The following CSMD2 variants were observed in gnomAD, a reference collection of about 807,000 sequenced individuals.
CSMD2 encodes CUB and sushi domain-containing protein 2.
Under a neutral mutation model 398.5 loss-of-function variants are expected in CSMD2, and 130 were observed. The ratio of observed to expected loss-of-function variants is 0.33; its 90% CI spans 0.28 to 0.38. The LOEUF (loss-of-function observed/expected upper bound fraction) is 0.38. Ranked by LOEUF, CSMD2 falls within the 10% of genes least tolerant of loss-of-function variation. The pLI, the probability that CSMD2 is intolerant of heterozygous loss-of-function variation, is 1.00. For missense variants in CSMD2, 3,829 were observed against 4,764.9 expected (o/e 0.80, Z 5.78); for synonymous variants, 1,828 against 1,908.5 (o/e 0.96, Z 1.10).
intron 28 of CSMD2, 126 bp from the exon 29 acceptor site, chr1:33,646,961 C>G: frequency 1.2e-6 from 1 of 855,784 alleles, no homozygotes; most frequent in Non-Finnish European, 1.8e-6. Flanking sequence ...TGGTACCCAA[C>G]CCCTGAAGAC....
At chr1:33,920,668 G>A (rs936352722) in intron 4 of CSMD2, among the ~76,000 whole-genome samples, 5 of 152,074 alleles carry the variant, frequency 3.3e-5, no homozygotes, top group Admixed American at 6.5e-5. Flanking sequence ...ACTTTTACTC[G>A]GAATGAGTTG....
chr1:33,816,349 A>T (rs1253525996), intron 9 of CSMD2, among the ~76,000 whole-genome samples: 1 of 152,102 alleles, frequency 6.6e-6, no homozygotes, highest in African/African-American at 2.4e-5. Flanking sequence ...ATCACAAGAA[A>T]TCAGAGCTGG....
chr1:33,957,722 G>A (rs1327565071), intron 3 of CSMD2, among the ~76,000 whole-genome samples: 1 of 152,158 alleles, frequency 6.6e-6, no homozygotes, highest in African/African-American at 2.4e-5. Flanking sequence ...GAGACAGAAG[G>A]GGCAGCTGAG....
intron 3 of CSMD2, among the ~76,000 whole-genome samples, chr1:33,994,423 C>G (rs956607598): frequency 3.3e-5 from 5 of 152,190 alleles, no homozygotes; most frequent in Admixed American, 6.5e-5. Flanking sequence ...CTCTCCCAAT[C>G]CCACGCTCAC....
intron 11 of CSMD2, among the ~76,000 whole-genome samples, chr1:33,790,990 C>T (rs1469989515): frequency 6.6e-6 from 1 of 152,212 alleles, no homozygotes; most frequent in Non-Finnish European, 1.5e-5. Context: ...AGCCATGTCA[C>T]CTGATTCAGT....
At chr1:33,798,942 C>A (rs1655275164) in intron 10 of CSMD2, among the ~76,000 whole-genome samples, 1 of 152,232 alleles carries the variant, frequency 6.6e-6, no homozygotes, top group South Asian at 2.1e-4. Context: ...TCAGGGCAGT[C>A]TTGTGGGAAG....
chr1:34,142,177 C>T (rs975389873), intron 1 of CSMD2, among the ~76,000 whole-genome samples: 9 of 152,278 alleles, frequency 5.9e-5, no homozygotes, highest in African/African-American at 1.9e-4. Context: ...TCTTTTGCTG[C>T]CACGGCCTTT....
chr1:34,087,537 C>T (rs1469978002), intron 2 of CSMD2, among the ~76,000 whole-genome samples: 1 of 151,370 alleles, frequency 6.6e-6, no homozygotes. Flanking sequence ...TTGATGAGTG[C>T]AGAAAACCAC....
chr1:33,985,372 T>G (rs1462767217), intron 3 of CSMD2, among the ~76,000 whole-genome samples: 5 of 152,162 alleles, frequency 3.3e-5, no homozygotes, highest in Admixed American at 2.6e-4. Flanking sequence ...GTTTGGCAGC[T>G]GGGGAGGACA....
At chr1:34,142,278 T>C (rs996921962) in intron 1 of CSMD2, among the ~76,000 whole-genome samples, 4 of 151,886 alleles carry the variant, frequency 2.6e-5, no homozygotes, top group African/African-American at 9.7e-5. Context: ...CAAATGGGGG[T>C]ACACTCATCC....
intron 6 of CSMD2, among the ~76,000 whole-genome samples, chr1:33,826,444 C>T (rs1570140828): frequency 6.6e-6 from 1 of 152,202 alleles, no homozygotes; most frequent in African/African-American, 2.4e-5. Flanking sequence ...CATTGTGAGA[C>T]AACATAGCTG....
intron 25 of CSMD2, among the ~76,000 whole-genome samples, chr1:33,683,041 A>G (rs1644957087): frequency 6.6e-6 from 1 of 151,994 alleles, no homozygotes; most frequent in Non-Finnish European, 1.5e-5. Context: ...CTGGATTGGC[A>G]CTTTGTCTTC....
chr1:33,832,713 C>G (rs1014746937), intron 6 of CSMD2, among the ~76,000 whole-genome samples: 1 of 150,826 alleles, frequency 6.6e-6, no homozygotes, highest in Non-Finnish European at 1.5e-5. Flanking sequence ...AATCCAGGAG[C>G]TGGTTTTTTG....
chr1:34,013,899 C>T (rs1647716845), intron 3 of CSMD2, among the ~76,000 whole-genome samples: 1 of 152,140 alleles, frequency 6.6e-6, no homozygotes, highest in South Asian at 2.1e-4. Flanking sequence ...CCCACCAGTT[C>T]CTCCCATATT....
At chr1:34,161,061 G>A (rs1198245389) in intron 1 of CSMD2, among the ~76,000 whole-genome samples, 1 of 152,148 alleles carries the variant, frequency 6.6e-6, no homozygotes, top group East Asian at 1.9e-4. Context: ...GAGAATAATT[G>A]AGGATATGAA....
intron 10 of CSMD2, among the ~76,000 whole-genome samples, chr1:33,809,165 C>T (rs1404527606): frequency 1.3e-5 from 2 of 151,958 alleles, no homozygotes; most frequent in East Asian, 1.9e-4. Context: ...AGAGGAAATA[C>T]TCTTCAAATC....
intron 2 of CSMD2, among the ~76,000 whole-genome samples, chr1:34,072,628 G>A (rs749844865): frequency 1.3e-5 from 2 of 152,140 alleles, no homozygotes; most frequent in Admixed American, 1.3e-4. Context: ...GGCTCCAGGG[G>A]GTGTTAAATT....
At position 33,616,970 on chromosome 1, in the gene CSMD2, G is replaced by A. The variant is rs759808355; in HGVS notation, c.5952C>T (p.His1984=). Residue 1984 remains histidine, a synonymous_variant, in exon 39 of 71, where the codon CAC becomes CAT. Transcript: ENST00000373381. ...TTCCGGGCATGCAGGAGATGTGGGC[G>A]TGGCCCTGGAGGAATCAGGAACAGG... ...QCEPGYALQG[H]AHISCMPGTV... is the part of the protein sequence containing the mutation. 7.4e-6 allele frequency: 12 copies of A among 1,613,908 alleles called. No homozygotes were observed. Among genetic ancestry groups the A allele is most frequent in the South Asian group, 2.2e-5 (2 of 91,072 alleles).
chr1:33,810,597 A>G (rs1302670411), intron 10 of CSMD2, 146 bp downstream of exon 10: 15 of 706,532 alleles, frequency 2.1e-5, no homozygotes, highest in Non-Finnish European at 3.3e-5. Context: ...CTTTTTATCC[A>G]CTCGATATTA....
Sources: allele counts gnomAD v4.1 joint callset (sites outside exome capture counted in the v4.1 genomes callset), GRCh38; gene constraint gnomAD v4.1.1; transcripts MANE v1.5; gene names NCBI Gene and HGNC (gene_info 2026-07-23, HGNC 2026-07-21).